The following CLPB variants were observed in gnomAD, a reference collection of about 807,000 sequenced individuals.
CLPB encodes mitochondrial disaggregase.
Under a neutral mutation model 78.4 loss-of-function variants are expected in CLPB, and 40 were observed. The ratio of observed to expected loss-of-function variants is 0.51; its 90% CI spans 0.40 to 0.66. CLPB has a LOEUF of 0.66. Among genes scored for constraint, CLPB ranks in the 30% least tolerant of loss-of-function variants. The pLI, the probability that CLPB is intolerant of heterozygous loss-of-function variation, is 0.00. For missense variants in CLPB, 780 were observed against 886.9 expected, an observed-to-expected ratio of 0.88 and a Z score of 1.53; for synonymous variants, 333 against 348.0, an observed-to-expected ratio of 0.96 and a Z score of 0.48.
chr11:72,411,953 G>A (rs1007390516), intron 2 of CLPB: 2 of 152,246 alleles, frequency 1.3e-5, no homozygotes, highest in African/African-American at 4.8e-5. Flanking sequence ...GCCCTGGCTG[G>A]AGCCTCACAG....
Position 72,288,892 on chromosome 11 carries a change from T to G in CLPB, c.*4475A>C, listed in dbSNP as rs974603494. 3.3e-5 allele frequency: 5 copies of G among 152,156 alleles called. No individual in the cohort carries two copies. Among genetic ancestry groups the G allele is most frequent in the Non-Finnish European group, 7.4e-5 (5 of 68,018 alleles). The allele number at this position is 152,156 out of a possible 1,614,324, so 9.4% of individuals were successfully genotyped here. ...GAATCTCTGGAAGAAGTAATTCTTT[T>G]TTTGTTTGTTTTTGTTGGAGACGGA... On this transcript the variant is annotated 3_prime_UTR_variant, in exon 16 of 16. Transcript: ENST00000538039.
intron 9 of CLPB, chr11:72,302,569 T>A (rs1009251582): frequency 1.1e-5 from 6 of 534,496 alleles, no homozygotes; most frequent in Non-Finnish European, 2.0e-5. Context: ...ACCCAAATCA[T>A]GTACCTGACC....
chr11:72,364,889 C>A (rs955964167), intron 4 of CLPB, among the ~76,000 whole-genome samples: 1 of 152,128 alleles, frequency 6.6e-6, no homozygotes, highest in Non-Finnish European at 1.5e-5. Flanking sequence ...ACCTATCTCA[C>A]AAGAGTCAAT....
chr11:72,393,089 A>T (rs1439606709), intron 3 of CLPB, among the ~76,000 whole-genome samples: 2 of 152,242 alleles, frequency 1.3e-5, no homozygotes, highest in Non-Finnish European at 2.9e-5. Flanking sequence ...AAGGCATGGC[A>T]CGTTAAGCTG....
At chr11:72,310,430 A>G (rs1949823949) in intron 7 of CLPB, among the ~76,000 whole-genome samples, 1 of 152,232 alleles carries the variant, frequency 6.6e-6, no homozygotes, top group Non-Finnish European at 1.5e-5. Context: ...AGGGGAACCC[A>G]CAGACCTCAT....
intron 3 of CLPB, among the ~76,000 whole-genome samples, chr11:72,399,839 T>C (rs1475575834): frequency 6.6e-6 from 1 of 152,186 alleles, no homozygotes; most frequent in African/African-American, 2.4e-5. Context: ...AATATGATTC[T>C]GGAAGGATTT....
intron 6 of CLPB, among the ~76,000 whole-genome samples, chr11:72,323,334 C>T (rs1218703328): frequency 2.0e-5 from 3 of 151,688 alleles, no homozygotes; most frequent in Non-Finnish European, 2.9e-5. Context: ...TTTGGGAGGC[C>T]GAGGCGGGCA....
chr11:72,351,180 G>A lies in CLPB; in HGVS notation c.775+7700C>T, dbSNP rs911737527. Among the ~76,000 whole-genome samples, 4 of 152,244 alleles carry A rather than the reference G, an allele frequency of 2.6e-5. No homozygotes were observed. In the East Asian group the frequency reaches 7.7e-4, roughly 29 times the overall value. ...AAAAGTGATGTTAGAGAAGGGCCAT[G>A]TTAGAGAAGGGTGAGATGTGGCAGA... On this transcript the variant is annotated intron_variant, in intron 5 of 15. Transcript: ENST00000538039.
chr11:72,307,935 A>C (rs1949773740), intron 8 of CLPB, among the ~76,000 whole-genome samples: 1 of 152,058 alleles, frequency 6.6e-6, no homozygotes, highest in African/African-American at 2.4e-5. Flanking sequence ...TAAACCATGA[A>C]ATTTCCCATC....
intron 5 of CLPB, among the ~76,000 whole-genome samples, chr11:72,346,461 T>A (rs1048049387): frequency 2.5e-4 from 38 of 151,798 alleles, no homozygotes; most frequent in African/African-American, 8.2e-4. Flanking sequence ...CACACTCTAG[T>A]ACAATTATCA....
At chr11:72,352,694 T>C (rs1950635673) in intron 5 of CLPB, 1 of 152,260 alleles carries the variant, frequency 6.6e-6, no homozygotes, top group Non-Finnish European at 1.5e-5. Flanking sequence ...GGTTAAAATG[T>C]CTGGTTTTCT....
At chr11:72,357,804 G>A (rs771031511) in intron 5 of CLPB, among the ~76,000 whole-genome samples, 2 of 152,068 alleles carry the variant, frequency 1.3e-5, no homozygotes, top group African/African-American at 2.4e-5. Context: ...TGTTGGAGAG[G>A]GTTCTGCTGG....
At chr11:72,430,870 A>C (rs1856526687) in intron 1 of CLPB, among the ~76,000 whole-genome samples, 1 of 152,104 alleles carries the variant, frequency 6.6e-6, no homozygotes, top group African/African-American at 2.4e-5. Context: ...CTCAACTAGG[A>C]GTCTTTGAGA....
chr11:72,382,706 T>C (rs1321272623), intron 3 of CLPB, among the ~76,000 whole-genome samples: 1 of 152,136 alleles, frequency 6.6e-6, no homozygotes, highest in Non-Finnish European at 1.5e-5. Context: ...ACAGGCTGAA[T>C]GGTGAAGGGC....
chr11:72,316,493 C>T (rs968910177), intron 7 of CLPB, among the ~76,000 whole-genome samples: 1 of 152,160 alleles, frequency 6.6e-6, no homozygotes, highest in African/African-American at 2.4e-5. Flanking sequence ...ATTATCTGCT[C>T]GTTGGGTCTG....
In CLPB at chr11:72,434,258, G is replaced by T. The variant is rs779226751; in HGVS notation, c.217C>A (p.Arg73Ser). Reference sequence around the variant, plus strand: ...TTGGTATCGAAGCGTCCTCCCTGGCGCCCCCCGGTGGCTGCCCCACGTCCG... The same window carrying T: ...TTGGTATCGAAGCGTCCTCCCTGGCTCCCCCCGGTGGCTGCCCCACGTCCG... The part of the protein sequence containing the change: ...FSGRGAATGG[R>S]QGGRFDTKCL... The change falls in exon 1 of 16, where the codon CGC becomes AGC. Residue 73 changes from arginine (R) to serine (S), a missense_variant. Transcript: ENST00000538039. The T allele has an allele frequency of 1.9e-6, 3 of 1,613,180 alleles. No individual in the cohort carries two copies. The highest frequency in any genetic ancestry group is 3.3e-5 in the Admixed American group (2 of 59,986).
intron 2 of CLPB, among the ~76,000 whole-genome samples, chr11:72,427,628 C>G (rs897737540): frequency 2.0e-5 from 3 of 152,086 alleles, no homozygotes; most frequent in African/African-American, 7.2e-5. Flanking sequence ...GTTACAATTG[C>G]CTACAGTATT....
intron 5 of CLPB, chr11:72,356,758 C>T (rs1420271924): frequency 6.6e-6 from 1 of 152,194 alleles, no homozygotes; most frequent in East Asian, 1.9e-4. Flanking sequence ...TCATAAAAGG[C>T]CCTCGTCTTT....
chr11:72,410,445 G>C (rs1256252374), intron 2 of CLPB, among the ~76,000 whole-genome samples: 2 of 152,198 alleles, frequency 1.3e-5, no homozygotes, highest in Non-Finnish European at 2.9e-5. Context: ...TGAAGAGACA[G>C]TGAGAAAAAA....
Sources: gnomAD v4.1 joint callset for allele counts (sites outside exome capture counted in the v4.1 genomes callset) on GRCh38, gnomAD v4.1.1 for gene constraint, MANE v1.5 for transcripts, NCBI Gene and HGNC (gene_info 2026-07-23, HGNC 2026-07-21) for gene names.